TBC1D8B: variants seen among roughly 807,000 people sequenced by gnomAD.
TBC1D8B encodes the protein TBC1 domain family member 8B.
In TBC1D8B, 75 loss-of-function variants were observed where a neutral mutation model predicts 82.9. The ratio of observed to expected loss-of-function variants is 0.90; its 90% confidence interval spans 0.75 to 1.10. The LOEUF (loss-of-function observed/expected upper bound fraction) is 1.10, where lower values mean the gene tolerates loss of function less well. Ranked by LOEUF, TBC1D8B falls within the 50% of genes least tolerant of loss-of-function variation. The pLI is 0.00. For synonymous variants in TBC1D8B, 276 were observed against 276.8 expected, an observed-to-expected ratio of 1.00 and a Z score of 0.03; for missense variants, 794 against 796.9, an observed-to-expected ratio of 1.00 and a Z score of 0.04.
At chrX:106,820,137 T>G (rs1455651751) in intron 2 of TBC1D8B, among the ~76,000 whole-genome samples, 1 of 111,218 alleles carries the variant, frequency 9.0e-6, no homozygotes, top group Non-Finnish European at 1.9e-5. Flanking sequence ...ATTTATATAA[T>G]CCATAGTGCT....
At chrX:106,832,217 A>G (rs1036175871) in intron 7 of TBC1D8B, among the ~76,000 whole-genome samples, 2 of 111,502 alleles carry the variant, frequency 1.8e-5, no homozygotes, top group Non-Finnish European at 3.8e-5. Flanking sequence ...GAGAATGTCA[A>G]AGACATTATA....
chrX:106,868,382 T>C lies in TBC1D8B; in HGVS notation c.2729-11T>C. The C allele has an allele frequency of 1.0e-6, 1 of 989,405 alleles. No individual in the cohort carries two copies. Among genetic ancestry groups the C allele is most frequent in the African/African-American group, 2.0e-5 (1 of 50,784 alleles). The allele number at this position is 989,405 out of a possible 1,213,427, so 81.5% of individuals were successfully genotyped here. On this transcript the variant is annotated splice_polypyrimidine_tract_variant and intron_variant, in intron 17 of 20. Transcript: ENST00000357242. ...TAATAAATGTAATTTGGGTTATTTA[T>C]ATGTTTTCAGCTTACACTGAAGTGA...
At chrX:106,828,265 C>A (rs1354070851) in intron 7 of TBC1D8B, 1 of 113,957 alleles carries the variant, frequency 8.8e-6, no homozygotes, top group Middle Eastern at 4.6e-3. Flanking sequence ...TCTGAATAGA[C>A]CAATAACAGG....
chrX:106,860,703 G>T (rs1401661050), intron 14 of TBC1D8B, among the ~76,000 whole-genome samples: 1 of 110,216 alleles, frequency 9.1e-6, no homozygotes, highest in East Asian at 2.8e-4. Flanking sequence ...CTTTTGTATG[G>T]GTTTTCATGT....
rs757385691 is a variant in TBC1D8B at position 106,850,434 on chromosome X, T to C, written c.2123+124T>C. The C allele has an allele frequency of 2.1e-5, 15 of 710,303 alleles. No individual in the cohort carries two copies. In the East Asian group the frequency reaches 5.1e-4, roughly 24 times the overall value. The allele number at this position is 710,303 out of a possible 1,213,427, so 58.5% of individuals were successfully genotyped here. A position where few individuals can be genotyped will look rare whatever the true frequency, so the allele number is the denominator to read the frequency against. On this transcript the variant is annotated intron_variant, in intron 12 of 20. Transcript: ENST00000357242. ...AGTTTGTCCGAGATTACAAAACCAC[T>C]TGAATGAAAGAGCTACACCTAAAGT...
intron 1 of TBC1D8B, among the ~76,000 whole-genome samples, chrX:106,806,652 C>A (rs1026326189): frequency 2.7e-5 from 3 of 111,273 alleles, no homozygotes; most frequent in African/African-American, 9.8e-5. Context: ...TTTTCCATAT[C>A]TGAATAGTGT....
At position 106,840,847 on chromosome X, in the gene TBC1D8B, C is replaced by T. The variant is rs1484374160; in HGVS notation, c.1682C>T (p.Ala561Val). ...GISALRRVLTAYAYRNPKIGY... is the reference protein window; with the variant it reads ...GISALRRVLTVYAYRNPKIGY... ...TCTGCTCTGAGAAGGGTACTCACAG[C>T]TTATGCATACAGGAATCCCAAAATT... The change falls in exon 10 of 21, where the codon GCT (alanine) becomes GTT (valine). Residue 561 changes from alanine (A) to valine (V), a missense_variant. By Grantham distance (64) the Ala-to-Val change is moderately conservative (BLOSUM62 0). Transcript: ENST00000357242. 1 of 1,210,835 alleles carries T rather than the reference C, an allele frequency of 8.3e-7. No homozygotes were observed. Among genetic ancestry groups the T allele is most frequent in the African/African-American group, 1.7e-5 (1 of 57,651 alleles).
At chrX:106,869,565 T>C (rs1487701707) in intron 19 of TBC1D8B, 24 bp downstream of exon 19, 4 of 1,134,253 alleles carry the variant, frequency 3.5e-6, no homozygotes, top group Admixed American at 2.3e-5. Flanking sequence ...GGAGTTATCA[T>C]TTAATTTATT....
At chrX:106,834,526 A>C (rs968636891) in intron 7 of TBC1D8B, among the ~76,000 whole-genome samples, 2 of 111,153 alleles carry the variant, frequency 1.8e-5, no homozygotes, top group African/African-American at 6.6e-5. Context: ...CTCATGCCCT[A>C]CCAACAGCCC....
At chrX:106,851,719 C>G (rs1932589423) in intron 12 of TBC1D8B, among the ~76,000 whole-genome samples, 1 of 111,537 alleles carries the variant, frequency 9.0e-6, no homozygotes, top group African/African-American at 3.3e-5. Flanking sequence ...CCAGTTTCAT[C>G]CATGTCCCTA....
chrX:106,869,547 A>G lies in TBC1D8B; in HGVS notation c.2869+6A>G. ...AAAACACAGCCCTGAAAAAGGTACT[A>G]TGATCTAGGAGTTATCATTTAATTT... On this transcript the variant is annotated splice_donor_region_variant and intron_variant, in intron 19 of 20. Coordinates refer to ENST00000357242, the MANE Select transcript of TBC1D8B (RefSeq NM_017752.3). The G allele has an allele frequency of 8.4e-7, 1 of 1,191,234 alleles. No individual in the cohort carries two copies. The highest frequency in any genetic ancestry group is 1.1e-6 in the Non-Finnish European group (1 of 878,275).
At chrX:106,816,855 A>T (rs1401479782) in intron 1 of TBC1D8B, among the ~76,000 whole-genome samples, 1 of 110,611 alleles carries the variant, frequency 9.0e-6, no homozygotes, top group Non-Finnish European at 1.9e-5. Flanking sequence ...TCTTTGTCTT[A>T]TCTCCTACTC....
At chrX:106,847,847 T>C (rs971902280) in intron 10 of TBC1D8B, among the ~76,000 whole-genome samples, 16 of 111,896 alleles carry the variant, frequency 1.4e-4, no homozygotes, top group African/African-American at 5.2e-4. Flanking sequence ...TTCGTTTTAG[T>C]ATGTCTTTGA....
At chrX:106,853,143 C>T (rs1482812735) in intron 12 of TBC1D8B, among the ~76,000 whole-genome samples, 1 of 110,971 alleles carries the variant, frequency 9.0e-6, no homozygotes, top group Non-Finnish European at 1.9e-5. Flanking sequence ...CCTTCACATC[C>T]CTTGTAAGTT....
intron 14 of TBC1D8B, among the ~76,000 whole-genome samples, chrX:106,857,244 C>G (rs1234303718): frequency 9.0e-6 from 1 of 111,016 alleles, no homozygotes; most frequent in Non-Finnish European, 1.9e-5. Context: ...CCTCCACCTC[C>G]TGGGTTCAAG....
At chrX:106,859,338 T>C (rs760138121) in intron 14 of TBC1D8B, among the ~76,000 whole-genome samples, 63 of 112,049 alleles carry the variant, frequency 5.6e-4, no homozygotes, top group African/African-American at 1.8e-3. Flanking sequence ...TTCCTATCCA[T>C]GAGAATGGAA....
At chrX:106,866,058 A>T in intron 16 of TBC1D8B, 25 bp downstream of exon 16, 1 of 1,187,438 alleles carries the variant, frequency 8.4e-7, no homozygotes, top group Non-Finnish European at 1.1e-6. Context: ...TTAAGCAAAA[A>T]AAAAAGGTGC....
intron 1 of TBC1D8B, among the ~76,000 whole-genome samples, chrX:106,816,125 C>G (rs1323805157): frequency 9.0e-6 from 1 of 111,394 alleles, no homozygotes; most frequent in East Asian, 2.8e-4. Context: ...CAAATTGTCC[C>G]TGTTTGCAGA....
At chrX:106,836,588 T>C (rs897339987) in intron 7 of TBC1D8B, among the ~76,000 whole-genome samples, 4 of 111,021 alleles carry the variant, frequency 3.6e-5, no homozygotes, top group Non-Finnish European at 7.5e-5. Context: ...TTCTTCTTTT[T>C]TTTTTTTAGC....
Sources: allele counts gnomAD v4.1 joint callset (sites outside exome capture counted in the v4.1 genomes callset), GRCh38; gene constraint gnomAD v4.1.1; transcripts MANE v1.5; gene names NCBI Gene and HGNC (gene_info 2026-07-23, HGNC 2026-07-21).